The following KLF13 variants were observed in gnomAD, a reference collection of about 807,000 sequenced individuals.
The protein encoded by KLF13 is Krueppel-like factor 13.
KLF13 carries 8 observed loss-of-function variants against 16.7 expected under a neutral mutation model. The ratio of observed to expected loss-of-function variants is 0.48; its 90% CI spans 0.28 to 0.87. The LOEUF (loss-of-function observed/expected upper bound fraction) is 0.87, where lower values mean the gene tolerates loss of function less well. KLF13 is among the 40% of genes least tolerant of loss of function. The pLI, the probability that KLF13 is intolerant of heterozygous loss-of-function variation, is 0.10. For missense variants in KLF13, 447 were observed against 452.2 expected (o/e 0.99, Z 0.10); for synonymous variants, 245 against 208.4 (o/e 1.18, Z -1.51).
chr15:31,435,041 C>T (rs1375324146), intron 1 of KLF13, among the ~76,000 whole-genome samples: 1 of 152,240 alleles, frequency 6.6e-6, no homozygotes, highest in Non-Finnish European at 1.5e-5. Flanking sequence ...AGCTCAGCCT[C>T]CTTGAATCAC....
chr15:31,368,355 C>T lies in KLF13; in HGVS notation c.578-3655C>T, dbSNP rs75995038. Among the ~76,000 whole-genome samples the T allele has an allele frequency of 7.6e-3, 1,161 of 152,228 alleles. 12 individuals are homozygous for T. The highest frequency in any genetic ancestry group is 0.027 in the African/African-American group (1,115 of 41,534). ...TCCCAAGCTTTTAATGACTAGTGTG[C>T]GTTGTGAATCTCCAAGAGTGGAATT... On this transcript the variant is annotated intron_variant, in intron 1 of 1. Transcript: ENST00000307145.
chr15:31,383,084 C>G (rs1162592992), intron 1 of KLF13, among the ~76,000 whole-genome samples: 1 of 152,350 alleles, frequency 6.6e-6, no homozygotes, highest in South Asian at 2.1e-4. Flanking sequence ...AGCAGACTTC[C>G]TCTGCACCTC....
chr15:31,391,045 G>A (rs1011023484), upstream of KLF13, among the ~76,000 whole-genome samples: 1 of 140,828 alleles, frequency 7.1e-6, no homozygotes, highest in Non-Finnish European at 1.5e-5. Flanking sequence ...TCAACTGCAT[G>A]GGGCTTCTCT....
intron 1 of KLF13, among the ~76,000 whole-genome samples, chr15:31,359,316 G>A (rs548244900): frequency 2.8e-4 from 42 of 152,308 alleles, no homozygotes; most frequent in Admixed American, 9.8e-4. Flanking sequence ...CCTTGAGAAC[G>A]GAAATTTTCA....
In KLF13 at chr15:31,327,451, C is replaced by G. The variant is rs1018351613; in HGVS notation, c.239C>G (p.Pro80Arg). 3.6e-5 allele frequency: 43 copies of G among 1,187,118 alleles called. No individual in the cohort carries two copies. The highest frequency in any genetic ancestry group is 4.4e-5 in the Non-Finnish European group (42 of 959,822). 73.5% of individuals were successfully genotyped at this position (1,187,118 alleles called of 1,614,324 possible). A position where few individuals can be genotyped will look rare whatever the true frequency, so the allele number is the denominator to read the frequency against. Residue 80 changes from proline (P) to arginine (R), a missense_variant, in exon 1 of 2, where the codon CCG (proline) becomes CGG (arginine). Pro to Arg is a moderately radical substitution (Grantham distance 103). Transcript: ENST00000307145. The stretch of plus-strand genomic sequence containing the variant: ...AACCAGCAAGCGCCGGCGCCCGCCC[C>G]GGCGGAGCGCAGGGAGGGCGCCGCG... ...DLNQQAPAPA[P>R]AERREGAAAR...
At chr15:31,407,827 T>C (rs183069433), downstream of KLF13, among the ~76,000 whole-genome samples, 4 of 152,286 alleles carry the variant, frequency 2.6e-5, no homozygotes, top group African/African-American at 9.6e-5. Context: ...CAGTAAAGCC[T>C]TTGGAAACAT....
intron 1 of KLF13, among the ~76,000 whole-genome samples, chr15:31,348,351 A>G (rs951938829): frequency 7.9e-5 from 12 of 152,220 alleles, no homozygotes; most frequent in African/African-American, 2.4e-4. Flanking sequence ...TCCGAAAGGA[A>G]AAACCACGCG....
At position 31,374,473 on chromosome 15, in the gene KLF13, C is replaced by G. The variant is rs1326270300; in HGVS notation, c.*2174C>G. ...CCTTGACAGAAGAGAGCCCTGGGTG[C>G]TTGTGGTGCAAAGATCTTCATGCCC... is the stretch of plus-strand genomic sequence containing the variant. On this transcript the variant is annotated 3_prime_UTR_variant, in exon 2 of 2. Transcript: ENST00000307145. 1 of 152,604 alleles carries G rather than the reference C, an allele frequency of 6.6e-6. No homozygotes were observed. The highest frequency in any genetic ancestry group is 2.4e-5 in the African/African-American group (1 of 41,434). The allele number at this position is 152,604 out of a possible 1,614,324, so 9.5% of individuals were successfully genotyped here.
chr15:31,404,881 G>T (rs563870750), downstream of KLF13, among the ~76,000 whole-genome samples: 38 of 152,356 alleles, frequency 2.5e-4, no homozygotes, highest in African/African-American at 9.1e-4. Flanking sequence ...AGTTTGGGAA[G>T]AGTGGAGCCT....
At position 31,372,132 on chromosome 15, in the gene KLF13, A is replaced by C; in HGVS notation, c.700A>C (p.Lys234Gln). The change falls in exon 2 of 2, where the codon AAG (lysine) becomes CAG (glutamine). Residue 234 changes from lysine to glutamine, a missense_variant. By Grantham distance (53) the Lys-to-Gln change is moderately conservative. Transcript: ENST00000307145. ...GAAGTTCAGCTGCCCCATCTGCGAGAAGCGCTTCATGCGCAGCGACCACCT... is the reference window on the plus strand; with the variant it reads ...GAAGTTCAGCTGCCCCATCTGCGAGCAGCGCTTCATGCGCAGCGACCACCT... ...EKKFSCPICE[K>Q]RFMRSDHLTK... is the part of the protein sequence containing the mutation. 1 of 1,613,090 alleles carries C rather than the reference A, an allele frequency of 6.2e-7. No homozygotes were observed.
chr15:31,364,698 G>A (rs866875311), intron 1 of KLF13, among the ~76,000 whole-genome samples: 1 of 152,244 alleles, frequency 6.6e-6, no homozygotes, highest in African/African-American at 2.4e-5. Flanking sequence ...TTCCAGCTGC[G>A]GCTCTAGCTC....
At chr15:31,383,197 T>G (rs1451630074) in intron 1 of KLF13, among the ~76,000 whole-genome samples, 1 of 152,258 alleles carries the variant, frequency 6.6e-6, no homozygotes, top group Non-Finnish European at 1.5e-5. Flanking sequence ...GTCTCTTGTC[T>G]GTCTCCTGCT....
At position 31,377,840 on chromosome 15, in the gene KLF13, C is replaced by A. The variant is rs908598301; in HGVS notation, c.*5541C>A. 6.6e-6 allele frequency: 1 copy of A among 152,668 alleles called. No homozygotes were observed. Among genetic ancestry groups the A allele is most frequent in the East Asian group, 1.9e-4 (1 of 5,192 alleles). 9.5% of individuals were successfully genotyped at this position (152,668 alleles called of 1,614,324 possible). On this transcript the variant is annotated 3_prime_UTR_variant, in exon 2 of 2. Coordinates refer to ENST00000307145, the MANE Select transcript of KLF13 (RefSeq NM_015995.4). ...GAAATTGTAAATTTTATTGTTTTAA[C>A]GTGTATGCATGTTTAGTGACGTTTA...
intron 1 of KLF13, among the ~76,000 whole-genome samples, chr15:31,333,773 G>C (rs2038876908): frequency 6.6e-6 from 1 of 152,170 alleles, no homozygotes; most frequent in Non-Finnish European, 1.5e-5. Context: ...GTTTAGGATA[G>C]TTTCCCATCT....
At chr15:31,420,061 C>A in intron 1 of KLF13, 5 of 337,954 alleles carry the variant, frequency 1.5e-5, no homozygotes, top group East Asian at 7.2e-5. Context: ...AGAAAAAAAC[C>A]TTTTGTCAAC....
chr15:31,391,888 G>A (rs2039876896), upstream of KLF13, among the ~76,000 whole-genome samples: 1 of 152,156 alleles, frequency 6.6e-6, no homozygotes, highest in Non-Finnish European at 1.5e-5. Context: ...TGCCGGCCCG[G>A]GGGAGGATCT....
upstream of KLF13, among the ~76,000 whole-genome samples, chr15:31,388,067 T>A (rs1482528530): frequency 6.6e-6 from 1 of 152,214 alleles, no homozygotes; most frequent in Non-Finnish European, 1.5e-5. Flanking sequence ...TAGGTAAGGA[T>A]GCTGCCACGA....
downstream of KLF13, among the ~76,000 whole-genome samples, chr15:31,381,838 G>A (rs756542994): frequency 6.6e-6 from 1 of 152,196 alleles, no homozygotes; most frequent in Non-Finnish European, 1.5e-5. Flanking sequence ...CTTAAAAGCC[G>A]ATCAGTTCTT....
intron 1 of KLF13, among the ~76,000 whole-genome samples, chr15:31,357,995 G>A (rs1315630018): frequency 6.6e-6 from 1 of 152,148 alleles, no homozygotes; most frequent in African/African-American, 2.4e-5. Flanking sequence ...AGGGTGGTGG[G>A]TGCCTGTGCC....
Sources: gnomAD v4.1 joint callset for allele counts (sites outside exome capture counted in the v4.1 genomes callset) on GRCh38, gnomAD v4.1.1 for gene constraint, MANE v1.5 for transcripts, NCBI Gene and HGNC (gene_info 2026-07-23, HGNC 2026-07-21) for gene names.